The following NIPBL variants were observed in gnomAD, a reference collection of about 807,000 sequenced individuals.
NIPBL encodes the protein nipped-B-like protein.
In NIPBL, 19 loss-of-function variants were observed where a neutral mutation model predicts 321.8. That is an observed-to-expected ratio of 0.06 (90% CI 0.04 to 0.09). The LOEUF (loss-of-function observed/expected upper bound fraction) is 0.09, where lower values mean the gene tolerates loss of function less well. Among genes scored for constraint, NIPBL ranks in the 10% least tolerant of loss-of-function variants. NIPBL has a pLI of 1.00. For synonymous variants in NIPBL, 1,106 were observed against 1,114.1 expected, an observed-to-expected ratio of 0.99 and a Z score of 0.14; for missense variants, 2,210 against 3,327.0, an observed-to-expected ratio of 0.66 and a Z score of 8.26.
intron 1 of NIPBL, among the ~76,000 whole-genome samples, chr5:36,906,492 T>G (rs945280657): frequency 6.6e-6 from 1 of 152,200 alleles, no homozygotes; most frequent in Non-Finnish European, 1.5e-5. Flanking sequence ...TGATATGTCC[T>G]TTTTTCTATC....
intron 1 of NIPBL, among the ~76,000 whole-genome samples, chr5:36,907,569 T>A (rs934329387): frequency 6.6e-6 from 1 of 152,124 alleles, no homozygotes; most frequent in African/African-American, 2.4e-5. Context: ...CAAAACATTG[T>A]GGGAGTAATA....
intron 10 of NIPBL, among the ~76,000 whole-genome samples, chr5:36,988,048 C>T (rs971601438): frequency 6.6e-6 from 1 of 152,000 alleles, no homozygotes; most frequent in South Asian, 2.1e-4. Flanking sequence ...TCTTTCTCTC[C>T]CTCCCCTCTC....
At position 36,975,938 on chromosome 5, in the gene NIPBL, T is replaced by C; in HGVS notation, c.1031T>C (p.Met344Thr). The change falls in exon 9 of 47, where the codon ATG (methionine) becomes ACG (threonine). Residue 344 changes from methionine to threonine, a missense_variant. By Grantham distance (81) the Met-to-Thr change is moderately conservative. Transcript: ENST00000282516. ...AAAGAGCAGAGTGAGAAAGCGGCAA[T>C]GTATGATATAATTAGTTCTCCATCC... ...DEKEQSEKAA[M>T]YDIISSPSKD... 3 of 1,613,864 alleles carry C rather than the reference T, an allele frequency of 1.9e-6. No homozygotes were observed. Among genetic ancestry groups the C allele is most frequent in the South Asian group, 1.1e-5 (1 of 91,036 alleles).
chr5:37,054,718 T>C (rs1312440654), intron 42 of NIPBL, among the ~76,000 whole-genome samples: 3 of 152,174 alleles, frequency 2.0e-5, no homozygotes, highest in African/African-American at 7.2e-5. Flanking sequence ...AAGGAACAAA[T>C]GCCTGAAGGC....
intron 1 of NIPBL, among the ~76,000 whole-genome samples, chr5:36,901,046 GACCCAGGTAATGAGCATAGT>G (rs1747168509): frequency 6.6e-6 from 1 of 152,048 alleles, no homozygotes; most frequent in Non-Finnish European, 1.5e-5. Flanking sequence ...ATTATTTTGT[GACCCAGGTAATGAGCATAGT>G]ACCTGACAGG....
chr5:36,942,734 C>CAAA (rs34936238), intron 1 of NIPBL, among the ~76,000 whole-genome samples: 1 of 94,410 alleles, frequency 1.1e-5, no homozygotes, highest in Non-Finnish European at 2.2e-5. Flanking sequence ...GACTCTGTCT[C>CAAA]AAAAAAAAAA....
Position 36,985,947 on chromosome 5 carries a change from G to A in NIPBL, c.2767G>A (p.Gly923Ser). 6.2e-7 allele frequency: 1 copy of A among 1,613,886 alleles called. No individual in the cohort carries two copies. The highest frequency in any genetic ancestry group is 2.2e-5 in the East Asian group (1 of 44,862). The change falls in exon 10 of 47, where the codon GGT becomes AGT. Residue 923 changes from glycine to serine, a missense_variant. Gly to Ser is a moderately conservative substitution (Grantham distance 56). Coordinates refer to ENST00000282516, the MANE Select transcript of NIPBL (RefSeq NM_133433.4). ...PTSKDDKRTE[G>S]NKSKVDTNKA... is the part of the protein sequence containing the mutation. ...TAGTAAAGATGACAAAAGGACAGAG[G>A]GTAACAAGAGTAAAGTAGACACTAA... is the stretch of plus-strand genomic sequence containing the variant.
chr5:36,958,052 C>T, intron 3 of NIPBL, 52 bp from the exon 4 acceptor site: 24 of 1,567,816 alleles, frequency 1.5e-5, no homozygotes, highest in Non-Finnish European at 2.1e-5. Context: ...GATAAGTCTT[C>T]TTAAGAATCA....
chr5:36,988,399 C>G (rs1745092777), intron 10 of NIPBL, among the ~76,000 whole-genome samples: 1 of 152,056 alleles, frequency 6.6e-6, no homozygotes, highest in African/African-American at 2.4e-5. Context: ...ATTACAGTAA[C>G]AGTCCTTTTC....
intron 6 of NIPBL, among the ~76,000 whole-genome samples, chr5:36,962,663 A>G (rs535579294): frequency 5.6e-4 from 85 of 152,338 alleles, no homozygotes; most frequent in African/African-American, 2.0e-3. Context: ...TGGTTTCTGC[A>G]TCATGGATTC....
intron 1 of NIPBL, among the ~76,000 whole-genome samples, chr5:36,935,862 C>A (rs544437400): frequency 2.9e-4 from 44 of 151,998 alleles, no homozygotes; most frequent in Non-Finnish European, 4.6e-4. Context: ...ACCTAAAACC[C>A]CAGTCTCTGA....
chr5:36,917,938 A>G (rs1748602968), intron 1 of NIPBL, among the ~76,000 whole-genome samples: 2 of 152,256 alleles, frequency 1.3e-5, no homozygotes, highest in South Asian at 2.1e-4. Flanking sequence ...CTTGTAGTAT[A>G]GTTTGAAGTC....
At chr5:36,902,754 G>T (rs772893586) in intron 1 of NIPBL, among the ~76,000 whole-genome samples, 1 of 151,832 alleles carries the variant, frequency 6.6e-6, no homozygotes, top group Non-Finnish European at 1.5e-5. Context: ...GTGAATTTTA[G>T]AAGTTTTTTG....
At chr5:37,042,302 G>A (rs1752486191) in intron 34 of NIPBL, among the ~76,000 whole-genome samples, 1 of 151,530 alleles carries the variant, frequency 6.6e-6, no homozygotes, top group South Asian at 2.1e-4. Context: ...AAGCATGGTG[G>A]TGCGCACCTA....
chr5:36,897,747 C>T (rs373128310), intron 1 of NIPBL, among the ~76,000 whole-genome samples: 3 of 151,906 alleles, frequency 2.0e-5, no homozygotes, highest in South Asian at 4.2e-4. Flanking sequence ...GTATTTGTTG[C>T]GGAAATAAAT....
chr5:36,889,909 C>G (rs1204483958), intron 1 of NIPBL, among the ~76,000 whole-genome samples: 3 of 148,722 alleles, frequency 2.0e-5, no homozygotes, highest in East Asian at 2.0e-4. Flanking sequence ...ATTGTAGAAC[C>G]AATGTGAAAA....
chr5:36,876,819 T>G lies in NIPBL; in HGVS notation c.-439T>G. On this transcript the variant is annotated 5_prime_UTR_variant, in exon 1 of 47. Transcript: ENST00000282516. ...AACGAGAGAGAGACACACACAGGGC[T>G]CCTTCCCCCCGCCCTCCCCCCCCTC... The G allele has an allele frequency of 2.6e-6, 1 of 387,260 alleles. No homozygotes were observed. The highest frequency in any genetic ancestry group is 4.6e-6 in the Non-Finnish European group (1 of 219,188). The allele number at this position is 387,260 out of a possible 1,614,324, so 24.0% of individuals were successfully genotyped here. A position where few individuals can be genotyped will look rare whatever the true frequency, so the allele number is the denominator to read the frequency against.
chr5:36,906,485 T>A (rs1747647662), intron 1 of NIPBL, among the ~76,000 whole-genome samples: 1 of 152,216 alleles, frequency 6.6e-6, no homozygotes, highest in Non-Finnish European at 1.5e-5. Context: ...TTAAGAGTGA[T>A]ATGTCCTTTT....
intron 1 of NIPBL, among the ~76,000 whole-genome samples, chr5:36,922,044 G>A (rs748219522): frequency 1.1e-4 from 17 of 151,688 alleles, no homozygotes; most frequent in African/African-American, 3.6e-4. Context: ...CCACCACCAC[G>A]CCTGGTTAGT....
Sources: allele counts gnomAD v4.1 joint callset (sites outside exome capture counted in the v4.1 genomes callset), GRCh38; gene constraint gnomAD v4.1.1; transcripts MANE v1.5; gene names NCBI Gene and HGNC (gene_info 2026-07-23, HGNC 2026-07-21).